Variants in FCRL3 observed in about 807,000 individuals in gnomAD.
The protein encoded by FCRL3 is Fc receptor like 3.
In FCRL3, 89 loss-of-function variants were observed where a neutral mutation model predicts 75.0. That is an observed-to-expected ratio of 1.19 (90% confidence interval 1.00 to 1.42). FCRL3 has a LOEUF of 1.42. Among genes scored for constraint, FCRL3 ranks in the 40% most tolerant of loss-of-function variants. The pLI is 0.00. For missense variants in FCRL3, 946 were observed against 880.0 expected, an observed-to-expected ratio of 1.07 and a Z score of -0.95; for synonymous variants, 376 against 348.5, an observed-to-expected ratio of 1.08 and a Z score of -0.88.
chr1:157,679,082 C>T (rs1654653101), intron 13 of FCRL3, 109 bp from the exon 14 acceptor site: 1 of 1,254,050 alleles, frequency 8.0e-7, no homozygotes, highest in Admixed American at 1.8e-5. Flanking sequence ...TGCTTGATCT[C>T]TTGCTGTTTC....
chr1:157,676,673 C>T lies in FCRL3; in HGVS notation c.*2037G>A, dbSNP rs1654474560. Reference sequence around the variant, plus strand: ...ATATCCGAGATGTACAGTTAGGACTCACCCCTTCTTCCACTCACATACTCT... The same window carrying T: ...ATATCCGAGATGTACAGTTAGGACTTACCCCTTCTTCCACTCACATACTCT... On this transcript the variant is annotated 3_prime_UTR_variant, in exon 15 of 15. Coordinates refer to ENST00000368184, the MANE Select transcript of FCRL3 (RefSeq NM_052939.4). 1 of 1,524,996 alleles carries T rather than the reference C, an allele frequency of 6.6e-7. No homozygotes were observed. The highest frequency in any genetic ancestry group is 1.4e-5 in the African/African-American group (1 of 72,556). The allele number at this position is 1,524,996 out of a possible 1,614,324, so 94.5% of individuals were successfully genotyped here.
chr1:157,679,009 T>A (rs181059230), intron 13 of FCRL3, 36 bp from the exon 14 acceptor site: 2 of 1,612,004 alleles, frequency 1.2e-6, no homozygotes, highest in African/African-American at 2.7e-5. Flanking sequence ...AGTATTAAAC[T>A]GTGGGCAATA....
rs765035865 is a variant in FCRL3, at chr1:157,695,344, T to A, written c.1396A>T (p.Ser466Cys). The A allele has an allele frequency of 2.2e-5, 35 of 1,613,282 alleles. 1 individual carries two copies. The Admixed American group carries it at 2.5e-4, about 12-fold the overall frequency. The change falls in exon 8 of 15, where the codon AGT becomes TGT. Residue 466 changes from serine (S) to cysteine (C), a missense_variant. Physicochemically the swap from Ser to Cys is moderately radical, Grantham distance 112. Coordinates refer to ENST00000368184, the MANE Select transcript of FCRL3 (RefSeq NM_052939.4). ...GLGAQHSHGV[S>C]LRVTVPVSRP... ...TCTTGCTTACCTGTGACCCTGAGAC[T>A]CACTCCATGACTGTGCTGGGCCCCC... is the stretch of plus-strand genomic sequence containing the variant.
intron 8 of FCRL3, chr1:157,691,850 AG>A (rs1655564148): frequency 2.0e-5 from 3 of 152,236 alleles, no homozygotes; most frequent in Admixed American, 2.0e-4. Context: ...AAGAACTTGA[AG>A]ACTGAAAAAG....
rs1173975069 is a variant in FCRL3, at chr1:157,677,645, T to A, written c.*1065A>T. ...CCAGATATTTTACACAAGTAAATAC[T>A]AAACAGCAATAAAAACAAATGAACT... On this transcript the variant is annotated 3_prime_UTR_variant, in exon 15 of 15. Transcript: ENST00000368184. 2.1e-6 allele frequency: 2 copies of A among 959,578 alleles called. No homozygotes were observed. The highest frequency in any genetic ancestry group is 2.5e-6 in the Non-Finnish European group (2 of 806,570). The allele number at this position is 959,578 out of a possible 1,614,324, so 59.4% of individuals were successfully genotyped here.
In FCRL3 at chr1:157,678,663, A is replaced by C; in HGVS notation, c.*47T>G. 6.2e-7 allele frequency: 1 copy of C among 1,607,154 alleles called. No individual in the cohort carries two copies. ...TGATGTGTGGTTGGAGAGAACAGAA[A>C]AAAAAATGGTGCAGGCTGTTTCCTG... is the stretch of plus-strand genomic sequence containing the variant. On this transcript the variant is annotated 3_prime_UTR_variant, in exon 15 of 15. Transcript: ENST00000368184.
Position 157,677,439 on chromosome 1 carries a change from T to C in FCRL3, c.*1271A>G, listed in dbSNP as rs562865510. On this transcript the variant is annotated 3_prime_UTR_variant, in exon 15 of 15. Transcript: ENST00000368184. ...AGAATTGGCAACATTCAGAGATTAATGTTAATATAATCTCAGTTGTCCCTA... is the reference window on the plus strand; with the variant it reads ...AGAATTGGCAACATTCAGAGATTAACGTTAATATAATCTCAGTTGTCCCTA... The C allele has an allele frequency of 7.1e-6, 7 of 985,472 alleles. No individual in the cohort carries two copies. The highest frequency in any genetic ancestry group is 6.0e-6 in the Non-Finnish European group (5 of 829,950). 61.0% of individuals were successfully genotyped at this position (985,472 alleles called of 1,614,324 possible).
intron 10 of FCRL3, among the ~76,000 whole-genome samples, chr1:157,684,129 A>G (rs60266310): frequency 0.04 from 6,019 of 152,220 alleles, 367 homozygotes; most frequent in African/African-American, 0.14. Context: ...TTCTAAAAGG[A>G]GATTGCCTGT....
At chr1:157,684,747 C>G (rs1186451381) in intron 10 of FCRL3, among the ~76,000 whole-genome samples, 1 of 152,062 alleles carries the variant, frequency 6.6e-6, no homozygotes, top group Non-Finnish European at 1.5e-5. Context: ...CTTATTTGCC[C>G]AATATCAAGT....
At chr1:157,690,178 T>C (rs1557827706) in intron 9 of FCRL3, 77 bp downstream of exon 9, 17 of 1,553,542 alleles carry the variant, frequency 1.1e-5, no homozygotes, top group Non-Finnish European at 1.4e-5. Flanking sequence ...TTGGTGCTAG[T>C]AGAATTTGTA....
At chr1:157,679,060 A>G (rs1319029499) in intron 13 of FCRL3, 87 bp from the exon 14 acceptor site, 29 of 1,423,864 alleles carry the variant, frequency 2.0e-5, no homozygotes, top group East Asian at 1.4e-4. Flanking sequence ...TTCCAAACCA[A>G]TCTTCTTGAT....
At position 157,696,341 on chromosome 1, in the gene FCRL3, AGATGGCATGTGAAGGTCCT is replaced by A; in HGVS notation, c.845-33_845-15del. 1 of 1,612,924 alleles carries A rather than the reference AGATGGCATGTGAAGGTCCT, an allele frequency of 6.2e-7. No individual in the cohort carries two copies. Among genetic ancestry groups the A allele is most frequent in the South Asian group, 1.1e-5 (1 of 91,076 alleles). On this transcript the variant is annotated splice_polypyrimidine_tract_variant and intron_variant, in intron 6 of 14. Coordinates refer to ENST00000368184, the MANE Select transcript of FCRL3 (RefSeq NM_052939.4). ...ACACAGGGACTCCTGGGGGAACACAAGATGGCATGTGAAGGTCCTGATGGCAGGGACATCAAGGTCAAGG... is the reference window on the plus strand; with the variant it reads ...ACACAGGGACTCCTGGGGGAACACAAGATGGCAGGGACATCAAGGTCAAGG...
intron 6 of FCRL3, 107 bp downstream of exon 6, chr1:157,697,033 C>T (rs1655954051): frequency 1.8e-6 from 2 of 1,097,032 alleles, no homozygotes; most frequent in Non-Finnish European, 2.4e-6. Flanking sequence ...ACCAGAATAG[C>T]TGGACACTCC....
chr1:157,689,736 AC>A, intron 10 of FCRL3, 61 bp downstream of exon 10: 1 of 1,607,206 alleles, frequency 6.2e-7, no homozygotes. Context: ...GGTGCACCAG[AC>A]AACTTCAAAT....
At chr1:157,686,233 C>A (rs1191842055) in intron 10 of FCRL3, among the ~76,000 whole-genome samples, 1 of 149,552 alleles carries the variant, frequency 6.7e-6, no homozygotes, top group Non-Finnish European at 1.5e-5. Flanking sequence ...ATACAGCTAA[C>A]AAAGGAGGTG....
chr1:157,684,071 T>A (rs1448637375), intron 10 of FCRL3, among the ~76,000 whole-genome samples: 2 of 152,186 alleles, frequency 1.3e-5, no homozygotes, highest in Non-Finnish European at 2.9e-5. Flanking sequence ...GTTAAACAAC[T>A]GAACAAAGTA....
chr1:157,697,014 G>A (rs1298544475), intron 6 of FCRL3, 126 bp downstream of exon 6: 2 of 964,276 alleles, frequency 2.1e-6, no homozygotes, highest in Admixed American at 7.0e-5. Flanking sequence ...AGCTTAAAGA[G>A]AGAAGATTAC....
chr1:157,698,042 G>T, intron 4 of FCRL3, 123 bp from the exon 5 acceptor site: 1 of 1,121,642 alleles, frequency 8.9e-7, no homozygotes, highest in Non-Finnish European at 1.2e-6. Context: ...CACCCACATT[G>T]CCATGTGGCC....
rs370292899 is a variant in FCRL3, at chr1:157,680,748, C to T, written c.1980G>A (p.Pro660=). 23 of 1,614,036 alleles carry T rather than the reference C, an allele frequency of 1.4e-5. No homozygotes were observed. The highest frequency in any genetic ancestry group is 1.7e-4 in the Middle Eastern group (1 of 6,060). ...GGATGCTCCAGATCTGGGAATAAAT[C>T]GGGTTGCTATCTCCAGGATTTACTG... The part of the protein sequence containing the change: ...YSNVNPGDSN[P]IYSQIWSIQH... Residue 660 remains proline, a synonymous_variant, in exon 13 of 15, where the codon CCG becomes CCA. Coordinates refer to ENST00000368184, the MANE Select transcript of FCRL3 (RefSeq NM_052939.4).
Sources: allele counts gnomAD v4.1 joint callset (sites outside exome capture counted in the v4.1 genomes callset), GRCh38; gene constraint gnomAD v4.1.1; transcripts MANE v1.5; gene names NCBI Gene and HGNC (gene_info 2026-07-23, HGNC 2026-07-21).